The following GABRB1 variants were observed in gnomAD, a reference collection of about 807,000 sequenced individuals.
GABRB1 encodes the protein gamma-aminobutyric acid receptor subunit beta-1.
A neutral mutation model predicts 51.6 loss-of-function variants in GABRB1; 17 were observed. The ratio of observed to expected loss-of-function variants is 0.33; its 90% confidence interval spans 0.23 to 0.49. GABRB1 has a LOEUF of 0.49. GABRB1 is among the 20% of genes least tolerant of loss of function. The pLI, the probability that GABRB1 is intolerant of heterozygous loss-of-function variation, is 0.99. For synonymous variants in GABRB1, 247 were observed against 218.9 expected, an observed-to-expected ratio of 1.13 and a Z score of -1.14; for missense variants, 410 against 600.6, an observed-to-expected ratio of 0.68 and a Z score of 3.32.
intron 3 of GABRB1, among the ~76,000 whole-genome samples, chr4:47,157,633 G>A (rs1250711445): frequency 6.6e-6 from 1 of 152,100 alleles, no homozygotes; most frequent in Non-Finnish European, 1.5e-5. Context: ...AGAACCACGA[G>A]CACAGAGCAC....
chr4:47,295,796 C>A (rs1723964982), intron 4 of GABRB1, among the ~76,000 whole-genome samples: 1 of 152,100 alleles, frequency 6.6e-6, no homozygotes, highest in Non-Finnish European at 1.5e-5. Context: ...AACTCCAAGA[C>A]ACATAATTGT....
At chr4:47,397,799 C>G (rs1177054489) in intron 5 of GABRB1, among the ~76,000 whole-genome samples, 1 of 152,056 alleles carries the variant, frequency 6.6e-6, no homozygotes, top group Non-Finnish European at 1.5e-5. Context: ...TTTCGAACTC[C>G]TGATCCCAAG....
intron 4 of GABRB1, among the ~76,000 whole-genome samples, chr4:47,296,893 A>G (rs1041900901): frequency 2.6e-5 from 4 of 152,242 alleles, no homozygotes; most frequent in Non-Finnish European, 5.9e-5. Flanking sequence ...AAAGAACGGA[A>G]ATTATAACAA....
intron 5 of GABRB1, among the ~76,000 whole-genome samples, chr4:47,371,273 C>T (rs1177123286): frequency 6.6e-6 from 1 of 152,152 alleles, no homozygotes; most frequent in Non-Finnish European, 1.5e-5. Context: ...GATATCATTC[C>T]TTTTTATGGC....
chr4:47,268,158 G>A (rs1432540387), intron 4 of GABRB1, among the ~76,000 whole-genome samples: 1 of 152,044 alleles, frequency 6.6e-6, no homozygotes, highest in African/African-American at 2.4e-5. Context: ...ATTAATATAA[G>A]AGTAAAAATA....
intron 5 of GABRB1, among the ~76,000 whole-genome samples, chr4:47,357,956 T>TTCC (rs758674990): frequency 1.9e-4 from 29 of 152,176 alleles, no homozygotes; most frequent in Non-Finnish European, 3.8e-4. Flanking sequence ...AACTAGCATA[T>TTCC]GTTGAGAGCT....
intron 4 of GABRB1, among the ~76,000 whole-genome samples, chr4:47,315,309 T>C (rs1724844991): frequency 6.6e-6 from 1 of 151,856 alleles, no homozygotes; most frequent in African/African-American, 2.4e-5. Context: ...TCATTAAAAA[T>C]GCATATAAAA....
chr4:47,031,910 T>C lies in GABRB1; in HGVS notation c.81-4T>C, dbSNP rs1725318731. 1 of 1,613,378 alleles carries C rather than the reference T, an allele frequency of 6.2e-7. No individual in the cohort carries two copies. Among genetic ancestry groups the C allele is most frequent in the Non-Finnish European group, 8.5e-7 (1 of 1,179,388 alleles). ...TGAATACGGTCCCTACTTCTTCCCC[T>C]TAGCACCAATGAACCCAGCAACATG... On this transcript the variant is annotated splice_region_variant and splice_polypyrimidine_tract_variant and intron_variant, in intron 1 of 8. Coordinates refer to ENST00000295454, the MANE Select transcript of GABRB1 (RefSeq NM_000812.4).
chr4:47,194,149 A>G (rs1195702770), intron 4 of GABRB1, among the ~76,000 whole-genome samples: 2 of 152,144 alleles, frequency 1.3e-5, no homozygotes, highest in African/African-American at 4.8e-5. Context: ...TGCAAAACTC[A>G]TATCAAGCTG....
rs957163110 is a variant in GABRB1 at position 47,252,703 on chromosome 4, T to C, written c.462-67424T>C. Among the ~76,000 whole-genome samples the C allele has an allele frequency of 3.9e-5, 6 of 152,020 alleles. No homozygotes were observed. The South Asian group carries it at 1.3e-3, about 32-fold the overall frequency. On this transcript the variant is annotated intron_variant, in intron 4 of 8. Coordinates refer to ENST00000295454, the MANE Select transcript of GABRB1 (RefSeq NM_000812.4). ...TTGTATTTTTAGTAGAGACGGGCTTTCACCATATTGGCCAGGCTGGTCTCA... is the reference window on the plus strand; with the variant it reads ...TTGTATTTTTAGTAGAGACGGGCTTCCACCATATTGGCCAGGCTGGTCTCA...
intron 5 of GABRB1, among the ~76,000 whole-genome samples, chr4:47,397,331 G>T (rs570505600): frequency 2.0e-5 from 3 of 152,254 alleles, no homozygotes; most frequent in Admixed American, 1.3e-4. Context: ...GGTCCAAACT[G>T]CTGTTTCAAG....
At chr4:47,057,168 C>T (rs1178741823) in intron 3 of GABRB1, among the ~76,000 whole-genome samples, 1 of 152,164 alleles carries the variant, frequency 6.6e-6, no homozygotes, top group Non-Finnish European at 1.5e-5. Flanking sequence ...CTCTGGTCTA[C>T]ATTTACATTT....
chr4:47,381,805 A>G (rs1267578830), intron 5 of GABRB1, among the ~76,000 whole-genome samples: 1 of 152,222 alleles, frequency 6.6e-6, no homozygotes, highest in Non-Finnish European at 1.5e-5. Context: ...GTGCTGGGGA[A>G]CTTATGGGTG....
intron 3 of GABRB1, among the ~76,000 whole-genome samples, chr4:47,049,986 T>C (rs1726273876): frequency 6.6e-6 from 1 of 152,238 alleles, no homozygotes; most frequent in African/African-American, 2.4e-5. Context: ...ATATAGATCT[T>C]GCTGTATTTG....
Position 47,161,444 on chromosome 4 carries a change from G to T in GABRB1, c.436G>T (p.Asp146Tyr). The T allele has an allele frequency of 6.2e-7, 1 of 1,612,178 alleles. No homozygotes were observed. Among genetic ancestry groups the T allele is most frequent in the South Asian group, 1.1e-5 (1 of 91,044 alleles). ...AAATCGAATGATTCGACTGCATCCT[G>T]ATGGAACAGTTCTCTATGGACTCCG... is the stretch of plus-strand genomic sequence containing the variant. ...VKNRMIRLHPDGTVLYGLRIT... is the reference protein window; with the variant it reads ...VKNRMIRLHPYGTVLYGLRIT... The change falls in exon 4 of 9, where the codon GAT becomes TAT. Residue 146 changes from aspartate to tyrosine, a missense_variant. Asp to Tyr is a radical substitution (Grantham distance 160). Coordinates refer to ENST00000295454, the MANE Select transcript of GABRB1 (RefSeq NM_000812.4).
At chr4:47,166,141 A>G (rs546742443) in intron 4 of GABRB1, among the ~76,000 whole-genome samples, 1 of 152,122 alleles carries the variant, frequency 6.6e-6, no homozygotes, top group Non-Finnish European at 1.5e-5. Context: ...TTCTGTAAAC[A>G]TATCTGAGGC....
At chr4:47,096,130 A>G (rs1416781801) in intron 3 of GABRB1, among the ~76,000 whole-genome samples, 1 of 152,128 alleles carries the variant, frequency 6.6e-6, no homozygotes, top group African/African-American at 2.4e-5. Flanking sequence ...ATCTCCAGTG[A>G]TCTCCTCCTT....
chr4:47,241,783 A>G (rs1232376823), intron 4 of GABRB1, among the ~76,000 whole-genome samples: 1 of 152,200 alleles, frequency 6.6e-6, no homozygotes, highest in East Asian at 1.9e-4. Flanking sequence ...GGGGACATAA[A>G]TTATAGGTCT....
intron 4 of GABRB1, among the ~76,000 whole-genome samples, chr4:47,205,481 A>G (rs1443228428): frequency 2.0e-5 from 3 of 152,164 alleles, no homozygotes; most frequent in African/African-American, 4.8e-5. Context: ...TGTCCAAAGC[A>G]AACACTTGAA....
Sources: allele counts gnomAD v4.1 joint callset (sites outside exome capture counted in the v4.1 genomes callset), GRCh38; gene constraint gnomAD v4.1.1; transcripts MANE v1.5; gene names NCBI Gene and HGNC (gene_info 2026-07-23, HGNC 2026-07-21).